DNAH11: variants seen among roughly 807,000 people sequenced by gnomAD.
DNAH11 encodes axonemal beta dynein heavy chain 11.
DNAH11 carries 442 observed loss-of-function variants against 526.0 expected under a neutral mutation model. That is an observed-to-expected ratio of 0.84 (90% CI 0.78 to 0.91). The LOEUF is 0.91. Ranked by LOEUF, DNAH11 falls within the 40% of genes least tolerant of loss-of-function variation. DNAH11 has a pLI of 0.00. For synonymous variants in DNAH11, 2,461 were observed against 1,935.9 expected (o/e 1.27, Z -7.12); for missense variants, 6,989 against 5,448.7 (o/e 1.28, Z -8.90).
chr7:21,862,574 A>G (rs1446701191), intron 69 of DNAH11, among the ~76,000 whole-genome samples: 15 of 152,230 alleles, frequency 9.9e-5, no homozygotes, highest in Admixed American at 9.8e-4. Context: ...GAATTAGCTT[A>G]ATTTAACCAT....
chr7:21,635,151 TTTGTTTG>T (rs1786797988), intron 25 of DNAH11, among the ~76,000 whole-genome samples: 2 of 124,182 alleles, frequency 1.6e-5, no homozygotes, highest in East Asian at 4.5e-4. Context: ...AGTTTGTTTG[TTTGTTTG>T]TTTGTTTGTT....
chr7:21,559,248 A>G (rs993595297), intron 3 of DNAH11, among the ~76,000 whole-genome samples: 2 of 152,220 alleles, frequency 1.3e-5, no homozygotes, highest in Non-Finnish European at 2.9e-5. Flanking sequence ...CAGCTACATC[A>G]TATTTTTAAA....
chr7:21,838,043 C>CTA (rs1411173079), intron 65 of DNAH11, among the ~76,000 whole-genome samples: 6 of 152,160 alleles, frequency 3.9e-5, no homozygotes, highest in Non-Finnish European at 8.8e-5. Flanking sequence ...TAGCCGTGAA[C>CTA]TATACAGTGA....
chr7:21,737,233 A>G (rs1785658163), intron 46 of DNAH11, among the ~76,000 whole-genome samples: 1 of 152,244 alleles, frequency 6.6e-6, no homozygotes, highest in Non-Finnish European at 1.5e-5. Flanking sequence ...TGAATTGAAT[A>G]TGATGACTGA....
At chr7:21,738,266 A>G (rs537187475) in intron 46 of DNAH11, among the ~76,000 whole-genome samples, 47 of 152,312 alleles carry the variant, frequency 3.1e-4, no homozygotes, top group Non-Finnish European at 4.6e-4. Flanking sequence ...CCAGCGGCCT[A>G]AGAAGACAGG....
chr7:21,707,898 A>G (rs1463536441), intron 40 of DNAH11, 63 bp downstream of exon 40: 4 of 1,499,432 alleles, frequency 2.7e-6, no homozygotes, highest in East Asian at 2.3e-5. Flanking sequence ...GTTTTTCAGT[A>G]CAAGCCAATT....
chr7:21,575,309 T>C (rs1369459218), intron 8 of DNAH11, among the ~76,000 whole-genome samples: 1 of 152,240 alleles, frequency 6.6e-6, no homozygotes, highest in African/African-American at 2.4e-5. Context: ...TGATCCAGGT[T>C]GCTGTGTCTG....
At chr7:21,749,238 C>G (rs1328387808) in intron 52 of DNAH11, among the ~76,000 whole-genome samples, 1 of 152,112 alleles carries the variant, frequency 6.6e-6, no homozygotes. Flanking sequence ...AAAATAGTAC[C>G]TACAATTTGT....
chr7:21,845,965 T>C (rs1213686851), intron 66 of DNAH11, among the ~76,000 whole-genome samples: 1 of 152,216 alleles, frequency 6.6e-6, no homozygotes, highest in East Asian at 1.9e-4. Context: ...GTGAAATCTA[T>C]ACCTAAGTGT....
chr7:21,793,045 C>T (rs971017057), intron 61 of DNAH11, among the ~76,000 whole-genome samples: 1 of 152,042 alleles, frequency 6.6e-6, no homozygotes, highest in Non-Finnish European at 1.5e-5. Context: ...ATTGCTTTTG[C>T]TGTATTCCAT....
At chr7:21,875,987 C>A (rs2893060) in intron 74 of DNAH11, among the ~76,000 whole-genome samples, 24,860 of 150,514 alleles carry the variant, frequency 0.17, 3,704 homozygotes, top group African/African-American at 0.4. Context: ...AGGTTCACGC[C>A]ATTCTCCTGC....
intron 75 of DNAH11, among the ~76,000 whole-genome samples, chr7:21,883,233 T>C (rs1783991812): frequency 6.6e-6 from 1 of 152,366 alleles, no homozygotes; most frequent in East Asian, 1.9e-4. Context: ...TATAATTATG[T>C]TTTTACTTAA....
intron 62 of DNAH11, among the ~76,000 whole-genome samples, chr7:21,803,027 A>G (rs59429331): frequency 4.0e-5 from 6 of 151,734 alleles, no homozygotes; most frequent in African/African-American, 1.5e-4. Flanking sequence ...TTATATCTCA[A>G]TAAAGCAGTT....
chr7:21,575,775 T>C (rs1039280081), intron 8 of DNAH11, among the ~76,000 whole-genome samples: 8 of 152,214 alleles, frequency 5.3e-5, no homozygotes, highest in African/African-American at 1.9e-4. Context: ...GGCATATACA[T>C]ATATTTATTC....
chr7:21,885,494 A>G (rs1338408763), intron 76 of DNAH11, among the ~76,000 whole-genome samples: 2 of 152,008 alleles, frequency 1.3e-5, no homozygotes, highest in African/African-American at 4.8e-5. Context: ...AACAGATACA[A>G]AGTTACCATC....
chr7:21,630,975 G>A (rs2140582), intron 25 of DNAH11, among the ~76,000 whole-genome samples: 75,441 of 151,834 alleles, frequency 0.5, 19,139 homozygotes, highest in Middle Eastern at 0.63. Context: ...GTATTAGTCC[G>A]TTTTCATGCT....
intron 36 of DNAH11, among the ~76,000 whole-genome samples, chr7:21,702,085 G>T (rs1251947101): frequency 6.6e-6 from 1 of 152,164 alleles, no homozygotes; most frequent in Non-Finnish European, 1.5e-5. Context: ...GTCCCAGGGA[G>T]CATGGAGTTG....
At position 21,614,595 on chromosome 7, in the gene DNAH11, G is replaced by C. The variant is rs182878450; in HGVS notation, c.3853-519G>C. Reference sequence around the variant, plus strand: ...ATATAATTGAACCTTGATAAAGACAGTCATATGGTGATGTTTTCATACTGG... The same window carrying C: ...ATATAATTGAACCTTGATAAAGACACTCATATGGTGATGTTTTCATACTGG... On this transcript the variant is annotated intron_variant, in intron 20 of 81. Transcript: ENST00000409508. Among the ~76,000 whole-genome samples, 325 of 152,278 alleles carry C rather than the reference G, an allele frequency of 2.1e-3. 1 individual carries two copies. The highest frequency in any genetic ancestry group is 7.4e-3 in the African/African-American group (308 of 41,538).
At position 21,591,002 on chromosome 7, in the gene DNAH11, A is replaced by G; in HGVS notation, c.2254A>G (p.Lys752Glu). The change falls in exon 13 of 82, where the codon AAA becomes GAA. Residue 752 changes from lysine (K) to glutamate (E), a missense_variant. Coordinates refer to ENST00000409508, the MANE Select transcript of DNAH11 (RefSeq NM_001277115.2). Reference protein sequence around the residue: ...IPDSALAIFKKRNTILKYIGN... With the variant: ...IPDSALAIFKERNTILKYIGN... ...AGATTCAGCTTTAGCCATCTTCAAGAAAAGGAACACTATTTTAAAGGTTTG... is the reference window on the plus strand; with the variant it reads ...AGATTCAGCTTTAGCCATCTTCAAGGAAAGGAACACTATTTTAAAGGTTTG... 1 of 1,515,746 alleles carries G rather than the reference A, an allele frequency of 6.6e-7. No homozygotes were observed. Among genetic ancestry groups the G allele is most frequent in the East Asian group, 2.5e-5 (1 of 39,734 alleles). The allele number at this position is 1,515,746 out of a possible 1,614,324, so 93.9% of individuals were successfully genotyped here. A position where few individuals can be genotyped will look rare whatever the true frequency, so the allele number is the denominator to read the frequency against.
Sources: allele counts gnomAD v4.1 joint callset (sites outside exome capture counted in the v4.1 genomes callset), GRCh38; gene constraint gnomAD v4.1.1; transcripts MANE v1.5; gene names NCBI Gene and HGNC (gene_info 2026-07-23, HGNC 2026-07-21).